Variants in ZSWIM5 observed in about 807,000 individuals in gnomAD.
ZSWIM5 encodes zinc finger SWIM-type containing 5.
A neutral mutation model predicts 119.6 loss-of-function variants in ZSWIM5; 55 were observed. The observed-to-expected ratio is 0.46, with a 90% CI of 0.37 to 0.58. The LOEUF (loss-of-function observed/expected upper bound fraction) is 0.58, where lower values mean the gene tolerates loss of function less well. Among genes scored for constraint, ZSWIM5 ranks in the 20% least tolerant of loss-of-function variants. The pLI is 0.00. For missense variants in ZSWIM5, 1,193 were observed against 1,512.8 expected, an observed-to-expected ratio of 0.79 and a Z score of 3.51; for synonymous variants, 537 against 606.9, an observed-to-expected ratio of 0.88 and a Z score of 1.69.
At chr1:45,082,989 C>G (rs987519313) in intron 2 of ZSWIM5, among the ~76,000 whole-genome samples, 1 of 152,112 alleles carries the variant, frequency 6.6e-6, no homozygotes, top group Non-Finnish European at 1.5e-5. Flanking sequence ...CAGGCCATAG[C>G]CCAGCTGTCA....
chr1:45,156,090 T>C (rs922139011), intron 1 of ZSWIM5, among the ~76,000 whole-genome samples: 6 of 151,904 alleles, frequency 3.9e-5, no homozygotes, highest in African/African-American at 1.5e-4. Flanking sequence ...AAAGAAAACA[T>C]GGTATATATA....
At chr1:45,028,562 C>A (rs1470965980) in intron 11 of ZSWIM5, among the ~76,000 whole-genome samples, 1 of 151,978 alleles carries the variant, frequency 6.6e-6, no homozygotes, top group Non-Finnish European at 1.5e-5. Context: ...TTGAGACCAG[C>A]CTGGCTATCA....
At chr1:45,079,292 T>TA (rs750357472) in intron 2 of ZSWIM5, among the ~76,000 whole-genome samples, 14 of 152,182 alleles carry the variant, frequency 9.2e-5, no homozygotes, top group Non-Finnish European at 1.8e-4. Context: ...CCAGGTGAAA[T>TA]AAACAGCCTT....
rs746764436 is a variant in ZSWIM5 at position 45,190,927 on chromosome 1, A to ATTTTTTTTTTTTTT, written c.595+14815_595+14828dup. 3.3e-4 allele frequency among the ~76,000 whole-genome samples: 16 copies of ATTTTTTTTTTTTTT among 49,006 alleles called. 5 individuals carry two copies. Among genetic ancestry groups the ATTTTTTTTTTTTTT allele is most frequent in the East Asian group, 2.5e-3 (3 of 1,218 alleles). The allele number at this position is 49,006 out of a possible 152,430, so 32.1% of individuals were successfully genotyped here. A position where few individuals can be genotyped will look rare whatever the true frequency, so the allele number is the denominator to read the frequency against. On this transcript the variant is annotated intron_variant, in intron 1 of 13. Transcript: ENST00000359600. ...TCCATGTTCGACTGAAATAGCTGGAATTTTTTTTTTTTTTTTTTTTTTTTT... is the reference window on the plus strand; with the variant it reads ...TCCATGTTCGACTGAAATAGCTGGAATTTTTTTTTTTTTTTTTTTTTTTTTTTTTTTTTTTTTTT...
At chr1:45,135,972 C>A (rs1052517605) in intron 1 of ZSWIM5, among the ~76,000 whole-genome samples, 1 of 152,032 alleles carries the variant, frequency 6.6e-6, no homozygotes, top group Non-Finnish European at 1.5e-5. Flanking sequence ...GTGATCCTCT[C>A]ACCTCAGTCT....
chr1:45,181,520 A>T (rs919795156), intron 1 of ZSWIM5, among the ~76,000 whole-genome samples: 2 of 145,648 alleles, frequency 1.4e-5, no homozygotes, highest in African/African-American at 5.2e-5. Flanking sequence ...GCAGGATATT[A>T]TCCAGAACTT....
chr1:45,095,504 T>C (rs1023425124), intron 1 of ZSWIM5, among the ~76,000 whole-genome samples: 1 of 152,186 alleles, frequency 6.6e-6, no homozygotes, highest in Non-Finnish European at 1.5e-5. Context: ...ATTTTGTTGT[T>C]ATGTCTCTTA....
intron 1 of ZSWIM5, among the ~76,000 whole-genome samples, chr1:45,096,185 T>A (rs1403357685): frequency 6.6e-6 from 1 of 152,118 alleles, no homozygotes; most frequent in Non-Finnish European, 1.5e-5. Flanking sequence ...GGTCTTCAAG[T>A]GATTAGGATA....
chr1:45,187,921 G>GATGGAA (rs1646069093), intron 1 of ZSWIM5, among the ~76,000 whole-genome samples: 1 of 152,104 alleles, frequency 6.6e-6, no homozygotes, highest in South Asian at 2.1e-4. Context: ...CCTCCACCAG[G>GATGGAA]ATGGAAATAA....
chr1:45,093,793 C>A (rs1385177352), intron 1 of ZSWIM5, among the ~76,000 whole-genome samples: 1 of 151,418 alleles, frequency 6.6e-6, no homozygotes. Context: ...AACCTAACAG[C>A]CATAAACATG....
intron 1 of ZSWIM5, among the ~76,000 whole-genome samples, chr1:45,098,709 C>T (rs896636579): frequency 5.9e-5 from 9 of 152,196 alleles, no homozygotes; most frequent in Non-Finnish European, 2.9e-5. Context: ...TCTCAGACCA[C>T]AGTGCAATCA....
At chr1:45,029,536 T>C (rs1435881068) in intron 11 of ZSWIM5, among the ~76,000 whole-genome samples, 3 of 152,148 alleles carry the variant, frequency 2.0e-5, no homozygotes, top group East Asian at 1.9e-4. Flanking sequence ...TGTAAAGTTA[T>C]ACATTTTTCC....
chr1:45,105,101 G>A (rs967957961), intron 1 of ZSWIM5, among the ~76,000 whole-genome samples: 4 of 152,166 alleles, frequency 2.6e-5, no homozygotes, highest in Middle Eastern at 3.4e-3. Context: ...CCAGGCACGC[G>A]CCGCCACTCC....
chr1:45,023,657 T>C (rs2148987209), intron 11 of ZSWIM5, among the ~76,000 whole-genome samples: 2 of 152,364 alleles, frequency 1.3e-5, no homozygotes, highest in East Asian at 3.9e-4. Context: ...TAAATAAAGA[T>C]GCTTTAAACA....
intron 1 of ZSWIM5, among the ~76,000 whole-genome samples, chr1:45,170,295 C>G (rs902919707): frequency 1.3e-5 from 2 of 152,074 alleles, no homozygotes; most frequent in South Asian, 2.1e-4. Flanking sequence ...TTCCCTCCCA[C>G]TTTACTCAAA....
Position 45,206,329 on chromosome 1 carries a change from C to T in ZSWIM5, c.22G>A (p.Glu8Lys), listed in dbSNP as rs1316472899. The T allele has an allele frequency of 6.7e-7, 1 of 1,495,604 alleles. No homozygotes were observed. The highest frequency in any genetic ancestry group is 8.9e-7 in the Non-Finnish European group (1 of 1,121,932). The allele number at this position is 1,495,604 out of a possible 1,614,324, so 92.6% of individuals were successfully genotyped here. A position where few individuals can be genotyped will look rare whatever the true frequency, so the allele number is the denominator to read the frequency against. MADGGER[E>K]ELLSPSPVSP... ...ACCGGTGACGGCGAGAGCAGCTCCT[C>T]TCGCTCACCTCCGTCCGCCATTGCT... The change falls in exon 1 of 14, where the codon GAG (glutamate) becomes AAG (lysine). Residue 8 changes from glutamate (E) to lysine (K), a missense_variant. Physicochemically the swap from Glu to Lys is moderately conservative, Grantham distance 56. This residue lies in a region of ZSWIM5 where 232 missense variants were observed against 222.9 expected (regional missense o/e 1.04). Coordinates refer to ENST00000359600, the MANE Select transcript of ZSWIM5 (RefSeq NM_020883.2).
At position 45,057,002 on chromosome 1, in the gene ZSWIM5, A is replaced by T. The variant is rs1645127628; in HGVS notation, c.1252+1607T>A. ...TCTCCATAGGTGTATAGGCCTTGTG[A>T]TCTGTAAGGAGCCCTAAGAATAGCT... On this transcript the variant is annotated intron_variant, in intron 4 of 13. Coordinates refer to ENST00000359600, the MANE Select transcript of ZSWIM5 (RefSeq NM_020883.2). This position sits in a 1 kb window ranked among gnomAD's most constrained non-coding sequence, Gnocchi z 4.7. 6.6e-6 allele frequency among the ~76,000 whole-genome samples: 1 copy of T among 152,146 alleles called. No homozygotes were observed. Among genetic ancestry groups the T allele is most frequent in the African/African-American group, 2.4e-5 (1 of 41,422 alleles).
intron 1 of ZSWIM5, among the ~76,000 whole-genome samples, chr1:45,089,378 T>C (rs1319015081): frequency 1.3e-5 from 2 of 152,352 alleles, no homozygotes; most frequent in East Asian, 1.9e-4. Context: ...ACCTTAAGTA[T>C]TGAACTGCTA....
intron 1 of ZSWIM5, among the ~76,000 whole-genome samples, chr1:45,101,765 T>A (rs2149017711): frequency 6.6e-6 from 1 of 152,190 alleles, no homozygotes; most frequent in South Asian, 2.1e-4. Flanking sequence ...CTAGAAACCA[T>A]CATTCTGAGC....
Sources: allele counts gnomAD v4.1 joint callset (sites outside exome capture counted in the v4.1 genomes callset), GRCh38; gene constraint gnomAD v4.1.1; regional missense constraint gnomAD v4.1.1; non-coding constraint Gnocchi (gnomAD v3.1); transcripts MANE v1.5; gene names NCBI Gene and HGNC (gene_info 2026-07-23, HGNC 2026-07-21).